The following TCF4 variants were observed in gnomAD, a reference collection of about 807,000 sequenced individuals.
TCF4 encodes the protein transcription factor 4.
Under a neutral mutation model 82.1 loss-of-function variants are expected in TCF4, and 3 were observed. The observed-to-expected ratio is 0.04, with a 90% CI of 0.02 to 0.09. TCF4 has a LOEUF of 0.09. TCF4 is among the 10% of genes least tolerant of loss of function. The pLI is 1.00. For synonymous variants in TCF4, 276 were observed against 309.6 expected (o/e 0.89, Z 1.14); for missense variants, 518 against 852.7 (o/e 0.61, Z 4.89).
rs542561733 is a variant in TCF4 at position 55,261,840 on chromosome 18, A to G, written c.923-307T>C. ...TGTGACGGTCATTGCTGACAAGTAT[A>G]GACTACTTTCAGGTCTCTGGAGTCC... On this transcript the variant is annotated intron_variant, in intron 11 of 19. Transcript: ENST00000354452. 2.0e-5 allele frequency among the ~76,000 whole-genome samples: 3 copies of G among 152,350 alleles called. No homozygotes were observed. The East Asian group carries it at 5.8e-4, about 29-fold the overall frequency.
At chr18:55,389,148 T>A (rs892073736) in intron 6 of TCF4, among the ~76,000 whole-genome samples, 1 of 151,860 alleles carries the variant, frequency 6.6e-6, no homozygotes. Flanking sequence ...AATAAATAAA[T>A]CCAGCCTCAG....
rs1264826225 is a variant in TCF4 at position 55,223,079 on chromosome 18, A to G, written c.*4956T>C. ...GCCAAACAGCCGACCAACTGGTGCA[A>G]AAGGTTAAGGCTGACTTGACTTAGC... On this transcript the variant is annotated 3_prime_UTR_variant, in exon 20 of 20. Transcript: ENST00000354452. 1 of 152,244 alleles carries G rather than the reference A, an allele frequency of 6.6e-6. No individual in the cohort carries two copies. The highest frequency in any genetic ancestry group is 1.9e-4 in the East Asian group (1 of 5,202). 9.4% of individuals were successfully genotyped at this position (152,244 alleles called of 1,614,324 possible). A position where few individuals can be genotyped will look rare whatever the true frequency, so the allele number is the denominator to read the frequency against.
At chr18:55,433,797 C>T (rs771922315) in intron 5 of TCF4, among the ~76,000 whole-genome samples, 2 of 152,134 alleles carry the variant, frequency 1.3e-5, no homozygotes, top group Non-Finnish European at 2.9e-5. Context: ...TATTTTAGTT[C>T]CAAGCAAGCC....
intron 5 of TCF4, among the ~76,000 whole-genome samples, chr18:55,435,706 A>G (rs1409785753): frequency 6.6e-6 from 1 of 152,196 alleles, no homozygotes; most frequent in Non-Finnish European, 1.5e-5. Flanking sequence ...TCTGGCTGCC[A>G]TGACTCAAAC....
chr18:55,425,382 TC>T (rs2094935155), intron 5 of TCF4, among the ~76,000 whole-genome samples: 1 of 151,652 alleles, frequency 6.6e-6, no homozygotes, highest in South Asian at 2.1e-4. Context: ...TCAGTATGCT[TC>T]CCCCAGCTCT....
At chr18:55,389,699 T>C (rs1339547246) in intron 6 of TCF4, among the ~76,000 whole-genome samples, 1 of 152,018 alleles carries the variant, frequency 6.6e-6, no homozygotes, top group Non-Finnish European at 1.5e-5. Context: ...GGGGCCAGGA[T>C]ACCACCATGC....
chr18:55,492,314 T>A (rs2096585102), intron 3 of TCF4: 1 of 152,206 alleles, frequency 6.6e-6, no homozygotes, highest in African/African-American at 2.4e-5. Flanking sequence ...TAACTTTAAT[T>A]TCTTCACTGT....
At chr18:55,321,615 T>C in intron 8 of TCF4, 1 of 1,535,950 alleles carries the variant, frequency 6.5e-7, no homozygotes, top group South Asian at 1.2e-5. Context: ...AGGATGCTCA[T>C]CCCTGCGACA....
At chr18:55,484,200 C>T (rs2096484069) in intron 3 of TCF4, among the ~76,000 whole-genome samples, 1 of 152,096 alleles carries the variant, frequency 6.6e-6, no homozygotes, top group Non-Finnish European at 1.5e-5. Context: ...GTTATATTTC[C>T]TCTTTCAAAT....
chr18:55,325,393 C>T (rs982535608), intron 8 of TCF4, among the ~76,000 whole-genome samples: 1 of 152,210 alleles, frequency 6.6e-6, no homozygotes, highest in African/African-American at 2.4e-5. Flanking sequence ...AAGAGCTGAA[C>T]TATCCACTCG....
intron 8 of TCF4, among the ~76,000 whole-genome samples, chr18:55,338,622 G>T (rs1433063702): frequency 6.6e-6 from 1 of 152,144 alleles, no homozygotes; most frequent in Non-Finnish European, 1.5e-5. Context: ...TTTCATGAAA[G>T]ACAGAGGAAT....
chr18:55,472,235 A>G (rs1035292570), intron 3 of TCF4, among the ~76,000 whole-genome samples: 14 of 152,220 alleles, frequency 9.2e-5, no homozygotes, highest in Non-Finnish European at 1.5e-5. Flanking sequence ...GAAGTGGGTA[A>G]CTGTTATGTT....
chr18:55,369,956 T>C (rs553225955), intron 6 of TCF4, among the ~76,000 whole-genome samples: 74 of 152,184 alleles, frequency 4.9e-4, no homozygotes, highest in African/African-American at 1.8e-3. Flanking sequence ...CATTCTGCAA[T>C]AGATCAAAGG....
intron 13 of TCF4, among the ~76,000 whole-genome samples, chr18:55,258,966 T>C (rs2057470955): frequency 6.6e-6 from 1 of 152,154 alleles, no homozygotes; most frequent in Admixed American, 6.6e-5. Context: ...CACTGCCCTC[T>C]CTATTCTGTG....
chr18:55,224,297 A>G lies in TCF4; in HGVS notation c.*3738T>C, dbSNP rs991085330. On this transcript the variant is annotated 3_prime_UTR_variant, in exon 20 of 20. Transcript: ENST00000354452. The stretch of plus-strand genomic sequence containing the variant: ...ATGAGTATGGCAAAACCAGCACTGC[A>G]CAAAGATGAGTCCACTTCAAGTCCC... The G allele has an allele frequency of 1.3e-5, 2 of 152,576 alleles. No individual in the cohort carries two copies. The highest frequency in any genetic ancestry group is 4.8e-5 in the African/African-American group (2 of 41,436). 9.5% of individuals were successfully genotyped at this position (152,576 alleles called of 1,614,324 possible). A position where few individuals can be genotyped will look rare whatever the true frequency, so the allele number is the denominator to read the frequency against.
rs139027222 is a variant in TCF4, at chr18:55,519,196, C to A, written c.146-55059G>T. 6.4e-4 allele frequency among the ~76,000 whole-genome samples: 97 copies of A among 152,156 alleles called. 1 individual carries two copies. Among genetic ancestry groups the A allele is most frequent in the Admixed American group, 3.0e-3 (46 of 15,270 alleles). On this transcript the variant is annotated intron_variant, in intron 3 of 19. Transcript: ENST00000354452. Reference sequence around the variant, plus strand: ...GCCTTAATCCCAAAACTTTGGGAGGCCCAAGGCATGCAGATCACTTGAGCC... The same window carrying A: ...GCCTTAATCCCAAAACTTTGGGAGGACCAAGGCATGCAGATCACTTGAGCC...
intron 2 of TCF4, among the ~76,000 whole-genome samples, chr18:55,627,493 G>A (rs550400180): frequency 6.6e-6 from 1 of 152,230 alleles, no homozygotes; most frequent in East Asian, 1.9e-4. Flanking sequence ...GCTGGGCGCA[G>A]TGGCTCACAC....
At chr18:55,319,773 G>A (rs992490370) in intron 8 of TCF4, among the ~76,000 whole-genome samples, 9 of 152,070 alleles carry the variant, frequency 5.9e-5, no homozygotes, top group African/African-American at 9.7e-5. Flanking sequence ...TACGGTGGAG[G>A]CAACTGGCAA....
chr18:55,616,992 T>C (rs1035094888), intron 2 of TCF4, among the ~76,000 whole-genome samples: 24 of 152,232 alleles, frequency 1.6e-4, no homozygotes, highest in African/African-American at 5.3e-4. Context: ...TGCTGTCATA[T>C]CTAATAAATC....
Sources: allele counts gnomAD v4.1 joint callset (sites outside exome capture counted in the v4.1 genomes callset), GRCh38; gene constraint gnomAD v4.1.1; transcripts MANE v1.5; gene names NCBI Gene and HGNC (gene_info 2026-07-23, HGNC 2026-07-21).